The following TMEM272 variants were observed in gnomAD, a reference collection of about 807,000 sequenced individuals.
TMEM272 encodes the protein long intergenic non-protein coding RNA 282.
In TMEM272, 8 loss-of-function variants were observed where a neutral mutation model predicts 3.7. That is an observed-to-expected ratio of 2.17 (90% CI 1.27 to 3.91). The LOEUF (loss-of-function observed/expected upper bound fraction) is 3.91, where lower values mean the gene tolerates loss of function less well. TMEM272 is among the 30% of genes most tolerant of loss of function. The pLI is 0.00. For missense variants in TMEM272, 166 were observed against 91.5 expected, an observed-to-expected ratio of 1.81 and a Z score of -3.32; for synonymous variants, 63 against 39.8, an observed-to-expected ratio of 1.58 and a Z score of -2.20.
At chr13:51,832,133 C>T (rs1278084672) in intron 2 of TMEM272, among the ~76,000 whole-genome samples, 1 of 152,142 alleles carries the variant, frequency 6.6e-6, no homozygotes, top group East Asian at 1.9e-4. Context: ...GGCTCTGGAT[C>T]CTCACTCCCC....
the TMEM272 span, among the ~76,000 whole-genome samples, chr13:51,917,675 A>G: frequency 6.6e-6 from 1 of 152,166 alleles, no homozygotes; most frequent in Admixed American, 6.5e-5. Context: ...ATTACTAAGT[A>G]TGTGTTGGGC....
the TMEM272 span, among the ~76,000 whole-genome samples, chr13:51,905,709 G>C: frequency 6.6e-6 from 1 of 152,224 alleles, no homozygotes; most frequent in Non-Finnish European, 1.5e-5. Context: ...CAAGGGCCAT[G>C]CGACACTTAA....
the TMEM272 span, among the ~76,000 whole-genome samples, chr13:51,889,312 C>T: frequency 6.6e-6 from 1 of 152,112 alleles, no homozygotes; most frequent in Admixed American, 6.5e-5. Context: ...TATGTTGAAG[C>T]CCTATCCTCT....
chr13:51,868,874 A>AT, the TMEM272 span, among the ~76,000 whole-genome samples: 28 of 152,238 alleles, frequency 1.8e-4, no homozygotes, highest in Admixed American at 1.8e-3. Flanking sequence ...ATCTATTGTC[A>AT]TAACTGTTGT....
chr13:51,905,785 G>A, the TMEM272 span, among the ~76,000 whole-genome samples: 3 of 152,264 alleles, frequency 2.0e-5, no homozygotes, highest in African/African-American at 4.8e-5. Flanking sequence ...CATTAGCCTC[G>A]GTTAATGTCA....
chr13:51,858,650 G>A, the TMEM272 span, among the ~76,000 whole-genome samples: 1 of 152,172 alleles, frequency 6.6e-6, no homozygotes, highest in African/African-American at 2.4e-5. Flanking sequence ...GCTAAAAACC[G>A]GGTTCTTTGG....
chr13:51,923,940 C>T, the TMEM272 span, among the ~76,000 whole-genome samples: 1 of 152,192 alleles, frequency 6.6e-6, no homozygotes, highest in Non-Finnish European at 1.5e-5. Flanking sequence ...GGGTACCTGC[C>T]TTTTGGCACC....
the TMEM272 span, among the ~76,000 whole-genome samples, chr13:51,912,273 G>A: frequency 6.6e-6 from 1 of 152,146 alleles, no homozygotes; most frequent in South Asian, 2.1e-4. Flanking sequence ...GAATGGACAC[G>A]AGAGGGAGGC....
At chr13:51,870,816 C>T in the TMEM272 span, among the ~76,000 whole-genome samples, 1 of 152,184 alleles carries the variant, frequency 6.6e-6, no homozygotes, top group Non-Finnish European at 1.5e-5. Context: ...GAGCCAAGGA[C>T]AGGAAGACTA....
At chr13:51,888,639 C>CTTTTTTT in the TMEM272 span, among the ~76,000 whole-genome samples, 49 of 76,788 alleles carry the variant, frequency 6.4e-4, no homozygotes, top group African/African-American at 1.9e-3. Flanking sequence ...TTTTCTTTTT[C>CTTTTTTT]TTTTTTTTTT....
rs1384273779 is a variant in TMEM272, at chr13:51,834,052, G to A, written c.58+4421C>T. On this transcript the variant is annotated intron_variant, in intron 2 of 4. Transcript: ENST00000629372. ...GAGGCGGCACCAGGTCCCCAGGCTC[G>A]TAAAGACCCCGACATCTCAAGCTTG... 3.9e-5 allele frequency among the ~76,000 whole-genome samples: 6 copies of A among 152,158 alleles called. No individual in the cohort carries two copies. The South Asian group carries it at 6.2e-4, about 16-fold the overall frequency.
At chr13:51,834,836 G>A (rs1956201327) in intron 2 of TMEM272, among the ~76,000 whole-genome samples, 1 of 152,190 alleles carries the variant, frequency 6.6e-6, no homozygotes, top group African/African-American at 2.4e-5. Context: ...ATGAGGGCTA[G>A]AGCCCTGCAC....
chr13:51,826,441 T>C (rs1956126260), intron 3 of TMEM272, 125 bp downstream of exon 3: 4 of 645,672 alleles, frequency 6.2e-6, no homozygotes, highest in Non-Finnish European at 1.1e-5. Flanking sequence ...CACATAGGTG[T>C]CTGGGAATCA....
chr13:51,917,251 C>A, the TMEM272 span, among the ~76,000 whole-genome samples: 29 of 152,256 alleles, frequency 1.9e-4, no homozygotes, highest in African/African-American at 6.0e-4. Flanking sequence ...CAACAAATGG[C>A]AGCAGGTTGG....
the TMEM272 span, among the ~76,000 whole-genome samples, chr13:51,860,570 T>C: frequency 6.7e-6 from 1 of 148,554 alleles, no homozygotes; most frequent in African/African-American, 2.5e-5. Context: ...GTCCAGGAAA[T>C]TGAGGCTGCA....
chr13:51,853,951 G>T, the TMEM272 span, among the ~76,000 whole-genome samples: 805 of 152,226 alleles, frequency 5.3e-3, 2 homozygotes, highest in Non-Finnish European at 8.5e-3. Context: ...CAATGAACAT[G>T]CATTACCTTG....
chr13:51,838,577 AG>A (rs1956235377), intron 1 of TMEM272, 24 bp from the exon 2 acceptor site: 1 of 702,940 alleles, frequency 1.4e-6, no homozygotes, highest in Non-Finnish European at 2.6e-6. Context: ...ATAATTCATT[AG>A]AAAGGATGGT....
In TMEM272 at chr13:51,813,371, T is replaced by C. The variant is rs1955985397; in HGVS notation, c.*3380A>G. 2.5e-6 allele frequency: 1 copy of C among 398,314 alleles called. No individual in the cohort carries two copies. The highest frequency in any genetic ancestry group is 4.4e-6 in the Non-Finnish European group (1 of 225,946). The allele number at this position is 398,314 out of a possible 1,614,324, so 24.7% of individuals were successfully genotyped here. The stretch of plus-strand genomic sequence containing the variant: ...AACAAATTGAACAAAGTTTATTTCA[T>C]CAACAATGAAAAATGCCCAGAAGGA... On this transcript the variant is annotated 3_prime_UTR_variant, in exon 5 of 5. Transcript: ENST00000629372.
chr13:51,851,501 A>G, the TMEM272 span, among the ~76,000 whole-genome samples: 1 of 149,630 alleles, frequency 6.7e-6, no homozygotes, highest in Non-Finnish European at 1.5e-5. Flanking sequence ...CCAAATCAGC[A>G]CGAAAAGACC....
Sources: gnomAD v4.1 joint callset for allele counts (sites outside exome capture counted in the v4.1 genomes callset) on GRCh38, gnomAD v4.1.1 for gene constraint, MANE v1.5 for transcripts, NCBI Gene and HGNC (gene_info 2026-07-23, HGNC 2026-07-21) for gene names.